CLEC1A: variants seen among roughly 807,000 people sequenced by gnomAD.
The protein encoded by CLEC1A is C-type lectin-like receptor-1.
A neutral mutation model predicts 28.7 loss-of-function variants in CLEC1A; 34 were observed. The observed-to-expected ratio is 1.18, with a 90% CI of 0.90 to 1.57. CLEC1A has a LOEUF of 1.57. Among genes scored for constraint, CLEC1A ranks in the 40% most tolerant of loss-of-function variants. The pLI is 0.00. For missense variants in CLEC1A, 385 were observed against 339.5 expected (o/e 1.13, Z -1.05); for synonymous variants, 116 against 121.0 (o/e 0.96, Z 0.27).
intron 1 of CLEC1A, among the ~76,000 whole-genome samples, chr12:10,096,321 C>T (rs899481697): frequency 2.6e-5 from 4 of 152,168 alleles, no homozygotes; most frequent in African/African-American, 9.7e-5. Context: ...AGTCCCTTTC[C>T]TTGTCTCCTC....
intron 3 of CLEC1A, among the ~76,000 whole-genome samples, chr12:10,079,334 A>C (rs1866317969): frequency 6.6e-6 from 1 of 152,202 alleles, no homozygotes; most frequent in African/African-American, 2.4e-5. Flanking sequence ...GCAGATTAAA[A>C]CTGAGAACTG....
chr12:10,075,445 A>C (rs1027905885), intron 4 of CLEC1A, 59 bp downstream of exon 4: 1 of 1,562,856 alleles, frequency 6.4e-7, no homozygotes, highest in East Asian at 2.2e-5. Flanking sequence ...CTTCTTGCCT[A>C]ATGCTTTTAA....
In CLEC1A at chr12:10,089,131, C is replaced by G; in HGVS notation, c.207G>C (p.Gly69=). Residue 69 remains glycine (G), a synonymous_variant, in exon 2 of 6, where the codon GGG becomes GGC. Coordinates refer to ENST00000315330, the MANE Select transcript of CLEC1A (RefSeq NM_016511.4). Reference sequence around the variant, plus strand: ...GTCAGAGCGCAGACTTACACAAAAGCCCCAGGGCTGCCAGCCCTATCAGCA... The same window carrying G: ...GTCAGAGCGCAGACTTACACAAAAGGCCCAGGGCTGCCAGCCCTATCAGCA... ...LVLLIGLAAL[G]LLFFQYYQLS... The G allele has an allele frequency of 6.2e-7, 1 of 1,613,292 alleles. No homozygotes were observed. Among genetic ancestry groups the G allele is most frequent in the Non-Finnish European group, 8.5e-7 (1 of 1,179,256 alleles).
intron 4 of CLEC1A, among the ~76,000 whole-genome samples, chr12:10,074,450 A>C (rs1866207964): frequency 6.6e-6 from 1 of 152,204 alleles, no homozygotes; most frequent in Admixed American, 6.5e-5. Context: ...CATATGAAAA[A>C]GATTTAAATA....
intron 2 of CLEC1A, among the ~76,000 whole-genome samples, chr12:10,088,230 C>T (rs1229181292): frequency 6.6e-6 from 1 of 152,082 alleles, no homozygotes; most frequent in Non-Finnish European, 1.5e-5. Context: ...ATAAGAGTTC[C>T]TCTATATTTC....
intron 1 of CLEC1A, 77 bp from the exon 2 acceptor site, chr12:10,089,299 G>A: frequency 5.9e-6 from 7 of 1,195,692 alleles, no homozygotes; most frequent in Non-Finnish European, 8.6e-6. Context: ...GTAAGGGAGT[G>A]GAGTTAATTC....
Position 10,098,864 on chromosome 12 carries a change from A to G in CLEC1A, c.59T>C (p.Met20Thr). The G allele has an allele frequency of 6.2e-7, 1 of 1,613,734 alleles. No individual in the cohort carries two copies. The highest frequency in any genetic ancestry group is 1.3e-5 in the African/African-American group (1 of 75,014). ...GGCAGAGCCTTGAGAATGCAGGCTC[A>G]TGGTGGTGTCCCCATCATCATCCAG... ...DMLDDDGDTT[M>T]SLHSQGSATT... Residue 20 changes from methionine (M) to threonine (T), a missense_variant, in exon 1 of 6, where the codon ATG (methionine) becomes ACG (threonine). Coordinates refer to ENST00000315330, the MANE Select transcript of CLEC1A (RefSeq NM_016511.4).
rs193005930 is a variant in CLEC1A, at chr12:10,086,018, T to C, written c.214+3106A>G. On this transcript the variant is annotated intron_variant, in intron 2 of 5. Transcript: ENST00000315330. ...AAGCATAGTGAAATAAAATTGAAAA[T>C]TAACAATACAAGGCACCCTGAAAAC... 3.7e-3 allele frequency among the ~76,000 whole-genome samples: 564 copies of C among 152,128 alleles called. 5 individuals carry two copies. Among genetic ancestry groups the C allele is most frequent in the African/African-American group, 0.013 (530 of 41,494 alleles).
chr12:10,085,704 C>G (rs944416003), intron 2 of CLEC1A, among the ~76,000 whole-genome samples: 9 of 152,068 alleles, frequency 5.9e-5, no homozygotes, highest in Non-Finnish European at 1.3e-4. Flanking sequence ...ATGAGATAGA[C>G]AGCAACACAA....
Position 10,071,316 on chromosome 12 carries a change from T to C in CLEC1A, c.*17A>G, listed in dbSNP as rs373203262. The stretch of plus-strand genomic sequence containing the variant: ...ACCGCCTGGCTCACTCTGCTATTTG[T>C]AGTTGCAGAGGGCGAATCAGTCACC... On this transcript the variant is annotated 3_prime_UTR_variant, in exon 6 of 6. Coordinates refer to ENST00000315330, the MANE Select transcript of CLEC1A (RefSeq NM_016511.4). The C allele has an allele frequency of 3.9e-5, 63 of 1,608,172 alleles. No individual in the cohort carries two copies. The African/African-American group carries it at 7.5e-4, about 19-fold the overall frequency.
chr12:10,094,767 G>T (rs1011327512), intron 1 of CLEC1A, among the ~76,000 whole-genome samples: 1 of 152,138 alleles, frequency 6.6e-6, no homozygotes, highest in Non-Finnish European at 1.5e-5. Flanking sequence ...CTGCCAGCAA[G>T]ATGAATTCTG....
At chr12:10,078,299 A>G (rs1246137375) in intron 3 of CLEC1A, among the ~76,000 whole-genome samples, 1 of 152,082 alleles carries the variant, frequency 6.6e-6, no homozygotes, top group Non-Finnish European at 1.5e-5. Context: ...CATTATCTCT[A>G]CCTAGCCTCC....
chr12:10,088,054 T>A (rs746394005), intron 2 of CLEC1A, among the ~76,000 whole-genome samples: 2 of 152,150 alleles, frequency 1.3e-5, no homozygotes, highest in Non-Finnish European at 2.9e-5. Flanking sequence ...ATATTGTTAC[T>A]TATTCAGTTA....
At chr12:10,094,518 A>G (rs10845034) in intron 1 of CLEC1A, among the ~76,000 whole-genome samples, 8 of 151,694 alleles carry the variant, frequency 5.3e-5, no homozygotes, top group African/African-American at 1.5e-4. Context: ...CTAGATACAC[A>G]TTATTTCACT....
chr12:10,081,106 T>G (rs1238325120), intron 3 of CLEC1A, 131 bp downstream of exon 3: 7 of 715,390 alleles, frequency 9.8e-6, no homozygotes, highest in Middle Eastern at 3.8e-4. Context: ...GATCATGATC[T>G]TGAAGCCCAA....
rs112672762 is a variant in CLEC1A, at chr12:10,092,309, G to A, written c.116-3087C>T. Reference sequence around the variant, plus strand: ...GAGGATTGCTTTGGGCCAGGAGTTCGAGACCAGCCTGAGCAACATAGTGAG... The same window carrying A: ...GAGGATTGCTTTGGGCCAGGAGTTCAAGACCAGCCTGAGCAACATAGTGAG... On this transcript the variant is annotated intron_variant, in intron 1 of 5. Coordinates refer to ENST00000315330, the MANE Select transcript of CLEC1A (RefSeq NM_016511.4). 504 of 207,002 alleles carry A rather than the reference G, an allele frequency of 2.4e-3. 7 individuals are homozygous for A. Among genetic ancestry groups the A allele is most frequent in the African/African-American group, 0.011 (471 of 41,918 alleles). 12.8% of individuals were successfully genotyped at this position (207,002 alleles called of 1,614,324 possible).
intron 5 of CLEC1A, 125 bp from the exon 6 acceptor site, chr12:10,071,638 G>A (rs1038468946): frequency 6.8e-5 from 49 of 723,536 alleles, no homozygotes; most frequent in Admixed American, 1.1e-4. Context: ...CCGGGAAACT[G>A]GGGTCATGTG....
At chr12:10,085,536 T>TAAAAAAAAAAAAAA (rs71049044) in intron 2 of CLEC1A, among the ~76,000 whole-genome samples, 7 of 128,732 alleles carry the variant, frequency 5.4e-5, no homozygotes, top group East Asian at 5.4e-4. Context: ...GCAAAAACAG[T>TAAAAAAAAAAAAAA]AAAAAAAAAA....
intron 2 of CLEC1A, among the ~76,000 whole-genome samples, chr12:10,088,399 G>T (rs1366324354): frequency 4.5e-5 from 4 of 89,108 alleles, no homozygotes; most frequent in Admixed American, 3.9e-4. Context: ...ATTAAAATCT[G>T]CTCTTCTATA....
Sources: gnomAD v4.1 joint callset for allele counts (sites outside exome capture counted in the v4.1 genomes callset) on GRCh38, gnomAD v4.1.1 for gene constraint, MANE v1.5 for transcripts, NCBI Gene and HGNC (gene_info 2026-07-23, HGNC 2026-07-21) for gene names.